POFUT3: variants seen among roughly 807,000 people sequenced by gnomAD.
POFUT3 encodes the protein GDP-fucose protein O-fucosyltransferase 3.
At chr8:33,425,247 T>C in the POFUT3 span, among the ~76,000 whole-genome samples, 2 of 151,856 alleles carry the variant, frequency 1.3e-5, no homozygotes, top group Non-Finnish European at 2.9e-5. Context: ...GGCAGGAGGA[T>C]TGCCTGAGCC....
the POFUT3 span, among the ~76,000 whole-genome samples, chr8:33,353,858 G>A: frequency 2.7e-4 from 41 of 152,178 alleles, 1 homozygote; most frequent in African/African-American, 9.9e-4. Context: ...TTCCTGTTTG[G>A]GGATTTCCTG....
chr8:33,369,756 C>T, the POFUT3 span, among the ~76,000 whole-genome samples: 1 of 152,040 alleles, frequency 6.6e-6, no homozygotes, highest in Non-Finnish European at 1.5e-5. Flanking sequence ...TTCATTTTTG[C>T]TTATGTCTCT....
chr8:33,401,040 G>A, the POFUT3 span, among the ~76,000 whole-genome samples: 4 of 152,122 alleles, frequency 2.6e-5, no homozygotes, highest in Non-Finnish European at 5.9e-5. Flanking sequence ...GAGTACAGTG[G>A]CATGATCTCA....
chr8:33,425,611 G>A, the POFUT3 span, among the ~76,000 whole-genome samples: 1 of 152,060 alleles, frequency 6.6e-6, no homozygotes, highest in East Asian at 2.0e-4. Context: ...GGGGAGGGTG[G>A]AGGAAGGAGC....
chr8:33,455,740 G>T, the POFUT3 span: 1 of 450,918 alleles, frequency 2.2e-6, no homozygotes, highest in Non-Finnish European at 4.4e-6. Flanking sequence ...GCAGCCCTCA[G>T]GTCCCGCTTT....
chr8:33,347,146 A>G, the POFUT3 span, among the ~76,000 whole-genome samples: 1 of 152,164 alleles, frequency 6.6e-6, no homozygotes, highest in Non-Finnish European at 1.5e-5. Context: ...GAACCGCTCC[A>G]GGTTCTTCCA....
the POFUT3 span, among the ~76,000 whole-genome samples, chr8:33,439,335 G>A: frequency 4.7e-4 from 71 of 152,094 alleles, 1 homozygote; most frequent in African/African-American, 1.6e-3. Flanking sequence ...TCTGGGAGGC[G>A]GAGGTTGCAG....
chr8:33,373,491 G>C, the POFUT3 span, among the ~76,000 whole-genome samples: 1 of 152,134 alleles, frequency 6.6e-6, no homozygotes, highest in Admixed American at 6.5e-5. Context: ...CAATGAGCTT[G>C]GTCCACGCTC....
At chr8:33,415,078 A>G in the POFUT3 span, among the ~76,000 whole-genome samples, 1 of 152,048 alleles carries the variant, frequency 6.6e-6, no homozygotes, top group African/African-American at 2.4e-5. Flanking sequence ...CCTGGCCAAC[A>G]TGGTGAAACC....
At chr8:33,346,109 G>A in the POFUT3 span, among the ~76,000 whole-genome samples, 1 of 148,540 alleles carries the variant, frequency 6.7e-6, no homozygotes, top group Non-Finnish European at 1.5e-5. Flanking sequence ...ACAGGCGTGA[G>A]CCACCGTGCC....
At chr8:33,384,419 G>A in the POFUT3 span, among the ~76,000 whole-genome samples, 1 of 152,178 alleles carries the variant, frequency 6.6e-6, no homozygotes, top group Non-Finnish European at 1.5e-5. Context: ...ACTCGAGAAG[G>A]AATAGCAATT....
At chr8:33,394,698 TA>T in the POFUT3 span, among the ~76,000 whole-genome samples, 1 of 152,084 alleles carries the variant, frequency 6.6e-6, no homozygotes, top group Non-Finnish European at 1.5e-5. Flanking sequence ...ATCTCCACCT[TA>T]ATGGGTCAAT....
chr8:33,388,345 T>C, the POFUT3 span, among the ~76,000 whole-genome samples: 4 of 145,088 alleles, frequency 2.8e-5, no homozygotes, highest in Non-Finnish European at 4.5e-5. Context: ...TTTTTTTTTT[T>C]TTTTTTTTTG....
At chr8:33,311,631 A>C in the POFUT3 span, among the ~76,000 whole-genome samples, 1 of 152,302 alleles carries the variant, frequency 6.6e-6, no homozygotes, top group South Asian at 2.1e-4. Context: ...CTGCAAGGTT[A>C]AAGTTTGGGA....
the POFUT3 span, among the ~76,000 whole-genome samples, chr8:33,348,170 CAA>C: frequency 7.8e-3 from 742 of 95,002 alleles, 12 homozygotes; most frequent in African/African-American, 0.023. Flanking sequence ...GACTCTGCCT[CAA>C]AAAAAAAAAA....
chr8:33,444,504 T>G, the POFUT3 span, among the ~76,000 whole-genome samples: 1 of 151,922 alleles, frequency 6.6e-6, no homozygotes, highest in African/African-American at 2.4e-5. Flanking sequence ...GCTGGATTAC[T>G]TTATGTCAAA....
chr8:33,436,369 T>C, the POFUT3 span: 2 of 1,374,918 alleles, frequency 1.5e-6, no homozygotes, highest in African/African-American at 2.8e-5. Context: ...TCATCTTTCA[T>C]GATGTCACAT....
At chr8:33,398,652 A>C in the POFUT3 span, among the ~76,000 whole-genome samples, 2 of 152,192 alleles carry the variant, frequency 1.3e-5, no homozygotes, top group Admixed American at 1.3e-4. Context: ...TAATCTGTAC[A>C]ACAACCCCCT....
At chr8:33,396,071 G>A in the POFUT3 span, among the ~76,000 whole-genome samples, 4 of 152,136 alleles carry the variant, frequency 2.6e-5, no homozygotes, top group Non-Finnish European at 5.9e-5. Flanking sequence ...GTGGTGACAT[G>A]AGCTAAGCAG....
Sources: allele counts gnomAD v4.1 joint callset (sites outside exome capture counted in the v4.1 genomes callset), GRCh38; gene constraint gnomAD v4.1.1; transcripts MANE v1.5; gene names NCBI Gene and HGNC (gene_info 2026-07-23, HGNC 2026-07-21).